SPATA16: variants seen among roughly 807,000 people sequenced by gnomAD.
SPATA16 encodes spermatogenesis associated 16.
In SPATA16, 36 loss-of-function variants were observed where a neutral mutation model predicts 63.3. The ratio of observed to expected loss-of-function variants is 0.57; its 90% CI spans 0.44 to 0.75. The LOEUF is 0.75. Among genes scored for constraint, SPATA16 ranks in the 30% least tolerant of loss-of-function variants. The pLI is 0.00. For missense variants in SPATA16, 646 were observed against 679.3 expected (o/e 0.95, Z 0.54); for synonymous variants, 203 against 216.7 (o/e 0.94, Z 0.56).
At chr3:173,130,125 G>A (rs1335093595) in intron 1 of SPATA16, among the ~76,000 whole-genome samples, 1 of 152,038 alleles carries the variant, frequency 6.6e-6, no homozygotes, top group Non-Finnish European at 1.5e-5. Flanking sequence ...CACTTTGGGG[G>A]GTCGAGGCGG....
At chr3:172,961,421 G>A (rs1014283735) in intron 5 of SPATA16, among the ~76,000 whole-genome samples, 1 of 152,164 alleles carries the variant, frequency 6.6e-6, no homozygotes, top group East Asian at 1.9e-4. Flanking sequence ...TTGAGATGGA[G>A]TTTTGCTCTG....
chr3:173,084,245 G>T (rs1736993678), intron 2 of SPATA16, among the ~76,000 whole-genome samples: 1 of 152,106 alleles, frequency 6.6e-6, no homozygotes, highest in East Asian at 1.9e-4. Flanking sequence ...TTGTGGTTTT[G>T]ATTTGCATTT....
intron 2 of SPATA16, among the ~76,000 whole-genome samples, chr3:173,076,321 G>A (rs1018259914): frequency 2.6e-5 from 4 of 152,026 alleles, no homozygotes; most frequent in Non-Finnish European, 4.4e-5. Context: ...ATACTTCTAG[G>A]TCTAGGAAGA....
At chr3:173,109,760 C>T (rs1179051061) in intron 2 of SPATA16, among the ~76,000 whole-genome samples, 4 of 152,100 alleles carry the variant, frequency 2.6e-5, no homozygotes, top group African/African-American at 7.2e-5. Context: ...TAAATGAAGT[C>T]TTGGAATTCA....
In SPATA16 at chr3:173,107,357, G is replaced by T. The variant is rs574300158; in HGVS notation, c.612+9763C>A. 2.0e-5 allele frequency among the ~76,000 whole-genome samples: 3 copies of T among 151,968 alleles called. No homozygotes were observed. The East Asian group carries it at 5.8e-4, about 29-fold the overall frequency. ...AGATATGTAATATATTTTAGTAGTGGCATTCAAGTATATATGAATCCAGTG... is the reference window on the plus strand; with the variant it reads ...AGATATGTAATATATTTTAGTAGTGTCATTCAAGTATATATGAATCCAGTG... On this transcript the variant is annotated intron_variant, in intron 2 of 10. Transcript: ENST00000351008.
intron 6 of SPATA16, 136 bp from the exon 7 acceptor site, chr3:172,925,628 G>A: frequency 2.8e-6 from 3 of 1,071,036 alleles, no homozygotes; most frequent in South Asian, 2.9e-5. Flanking sequence ...GTAATATTAT[G>A]TGTATCAAAA....
chr3:173,118,723 C>T (rs1435865749), intron 1 of SPATA16, among the ~76,000 whole-genome samples: 2 of 152,148 alleles, frequency 1.3e-5, no homozygotes, highest in Non-Finnish European at 2.9e-5. Flanking sequence ...ATTGGTTGGT[C>T]ATTAGCAAAA....
chr3:173,053,019 T>A (rs1736138535), intron 2 of SPATA16, among the ~76,000 whole-genome samples: 1 of 152,168 alleles, frequency 6.6e-6, no homozygotes. Flanking sequence ...GTCTAAATTC[T>A]TATGAGTATA....
At chr3:173,100,030 A>G (rs756652202) in intron 2 of SPATA16, among the ~76,000 whole-genome samples, 14 of 152,290 alleles carry the variant, frequency 9.2e-5, no homozygotes, top group Non-Finnish European at 1.8e-4. Context: ...TGCCTCAATT[A>G]ATCAGCCCAC....
rs548121767 is a variant in SPATA16 at position 173,101,048 on chromosome 3, G to A, written c.612+16072C>T. On this transcript the variant is annotated intron_variant, in intron 2 of 10. Transcript: ENST00000351008. ...ATAGGAAAAATGATGCAGGAGAGGT[G>A]TGAGTAACTAAAGGAAGAAAATTAC... Among the ~76,000 whole-genome samples, 17 of 152,286 alleles carry A rather than the reference G, an allele frequency of 1.1e-4. No homozygotes were observed. The South Asian group carries it at 3.5e-3, about 32-fold the overall frequency.
At chr3:173,032,199 C>T (rs1560102333) in intron 3 of SPATA16, among the ~76,000 whole-genome samples, 1 of 152,006 alleles carries the variant, frequency 6.6e-6, no homozygotes, top group Non-Finnish European at 1.5e-5. Flanking sequence ...CCCAAAATTA[C>T]AATTAATTCT....
At chr3:172,898,211 C>T (rs183935507) in intron 10 of SPATA16, among the ~76,000 whole-genome samples, 9 of 151,688 alleles carry the variant, frequency 5.9e-5, no homozygotes, top group Admixed American at 3.9e-4. Flanking sequence ...AGATTTTTTG[C>T]GTACTATTTT....
chr3:173,033,630 G>T (rs1360147096), intron 3 of SPATA16, among the ~76,000 whole-genome samples: 1 of 152,030 alleles, frequency 6.6e-6, no homozygotes, highest in Non-Finnish European at 1.5e-5. Flanking sequence ...TGGTGATGGT[G>T]GTTCAAGAGC....
chr3:172,978,128 T>G (rs1420924839), intron 4 of SPATA16, among the ~76,000 whole-genome samples: 1 of 150,054 alleles, frequency 6.7e-6, no homozygotes, highest in Non-Finnish European at 1.5e-5. Context: ...CAGCTCTCTC[T>G]CTCTCTCTCC....
At chr3:173,115,697 C>T (rs1444130357) in intron 2 of SPATA16, among the ~76,000 whole-genome samples, 1 of 152,006 alleles carries the variant, frequency 6.6e-6, no homozygotes, top group African/African-American at 2.4e-5. Flanking sequence ...TACGTAGCAC[C>T]TTTTAAAATA....
intron 4 of SPATA16, among the ~76,000 whole-genome samples, chr3:172,983,218 C>T (rs1280584616): frequency 6.6e-6 from 1 of 152,082 alleles, no homozygotes; most frequent in African/African-American, 2.4e-5. Context: ...CCAACTACAC[C>T]GTATTCTCTG....
chr3:172,897,686 T>A (rs1732035828), intron 10 of SPATA16, among the ~76,000 whole-genome samples: 1 of 152,072 alleles, frequency 6.6e-6, no homozygotes, highest in Admixed American at 6.5e-5. Flanking sequence ...ATGTAGACAA[T>A]TATGTTATCT....
At chr3:172,935,170 G>A (rs984285714) in intron 6 of SPATA16, among the ~76,000 whole-genome samples, 11 of 152,154 alleles carry the variant, frequency 7.2e-5, no homozygotes, top group Non-Finnish European at 1.3e-4. Flanking sequence ...CAATACAAAC[G>A]TGTAAGATTT....
At chr3:172,906,999 G>A (rs1242888045) in intron 10 of SPATA16, among the ~76,000 whole-genome samples, 1 of 152,052 alleles carries the variant, frequency 6.6e-6, no homozygotes, top group South Asian at 2.1e-4. Flanking sequence ...TTATGAGTTT[G>A]GTATATGTAA....
Sources: gnomAD v4.1 joint callset for allele counts (sites outside exome capture counted in the v4.1 genomes callset) on GRCh38, gnomAD v4.1.1 for gene constraint, MANE v1.5 for transcripts, NCBI Gene and HGNC (gene_info 2026-07-23, HGNC 2026-07-21) for gene names.